Variants in XKR4 observed in about 807,000 individuals in gnomAD.
The protein encoded by XKR4 is XK related 4, also known as XK-related protein 4.
In XKR4, 12 loss-of-function variants were observed where a neutral mutation model predicts 53.9. The observed-to-expected ratio is 0.22, with a 90% CI of 0.14 to 0.36. XKR4 has a LOEUF of 0.36. XKR4 is among the 10% of genes least tolerant of loss of function. The pLI is 1.00. For synonymous variants in XKR4, 354 were observed against 362.4 expected (o/e 0.98, Z 0.26); for missense variants, 799 against 859.5 (o/e 0.93, Z 0.88).
intron 1 of XKR4, among the ~76,000 whole-genome samples, chr8:55,321,466 G>C (rs959020622): frequency 1.3e-5 from 2 of 152,098 alleles, no homozygotes; most frequent in African/African-American, 4.8e-5. Flanking sequence ...CACGGAGGGT[G>C]TTACTGAGTT....
At chr8:55,475,491 A>C (rs1013633590) in intron 2 of XKR4, among the ~76,000 whole-genome samples, 2 of 152,028 alleles carry the variant, frequency 1.3e-5, no homozygotes, top group Non-Finnish European at 2.9e-5. Context: ...ATCAGATCTC[A>C]CTGCAGCCTC....
chr8:55,420,877 T>C (rs1804918729), intron 2 of XKR4, among the ~76,000 whole-genome samples: 1 of 152,188 alleles, frequency 6.6e-6, no homozygotes, highest in Non-Finnish European at 1.5e-5. Flanking sequence ...TAAACTACAC[T>C]TTTCTATTTG....
chr8:55,158,910 A>G (rs1184317288), intron 1 of XKR4, among the ~76,000 whole-genome samples: 3 of 152,118 alleles, frequency 2.0e-5, no homozygotes, highest in African/African-American at 7.2e-5. Flanking sequence ...AAGTCAGGTA[A>G]TGTGATGTCT....
chr8:55,275,489 G>A (rs1237382235), intron 1 of XKR4, among the ~76,000 whole-genome samples: 2 of 152,250 alleles, frequency 1.3e-5, no homozygotes, highest in South Asian at 4.2e-4. Flanking sequence ...AGGATAAATA[G>A]CATTGTTGGT....
At chr8:55,341,475 T>C (rs1160495485) in intron 1 of XKR4, among the ~76,000 whole-genome samples, 1 of 152,164 alleles carries the variant, frequency 6.6e-6, no homozygotes, top group Non-Finnish European at 1.5e-5. Flanking sequence ...GAGACATGTC[T>C]CAGGGTACCT....
In XKR4 at chr8:55,180,502, G is replaced by A. The variant is rs139665395; in HGVS notation, c.806+77208G>A. The stretch of plus-strand genomic sequence containing the variant: ...AAGGAACTTGGGAGACATTTTTCTA[G>A]CGTCACCAGGTATATTCATACAAAA... On this transcript the variant is annotated intron_variant, in intron 1 of 2. Transcript: ENST00000327381. Among the ~76,000 whole-genome samples, 6 of 152,280 alleles carry A rather than the reference G, an allele frequency of 3.9e-5. No homozygotes were observed. The East Asian group carries it at 1.2e-3, about 29-fold the overall frequency.
In XKR4 at chr8:55,530,848, T is replaced by C. The variant is rs1253094471; in HGVS notation, c.*6621T>C. 6.6e-6 allele frequency: 1 copy of C among 152,138 alleles called. No individual in the cohort carries two copies. Among genetic ancestry groups the C allele is most frequent in the East Asian group, 1.9e-4 (1 of 5,198 alleles). The allele number at this position is 152,138 out of a possible 1,614,324, so 9.4% of individuals were successfully genotyped here. On this transcript the variant is annotated 3_prime_UTR_variant, in exon 3 of 3. Transcript: ENST00000327381. The stretch of plus-strand genomic sequence containing the variant: ...AACAGGTAATTTTTGTGATCAGGAT[T>C]ACACAATACACTTTTTTTTTTCCCT...
intron 2 of XKR4, chr8:55,452,853 C>T (rs1805476080): frequency 2.6e-6 from 2 of 771,354 alleles, no homozygotes; most frequent in Admixed American, 1.7e-5. Flanking sequence ...AAGCAGGCGG[C>T]TCTTGCTGCT....
chr8:55,322,796 T>A (rs1274515059), intron 1 of XKR4, among the ~76,000 whole-genome samples: 1 of 152,204 alleles, frequency 6.6e-6, no homozygotes, highest in African/African-American at 2.4e-5. Flanking sequence ...CACTGTCATT[T>A]ATCTTCTATT....
At chr8:55,388,160 G>A (rs767641341) in intron 2 of XKR4, among the ~76,000 whole-genome samples, 1 of 152,148 alleles carries the variant, frequency 6.6e-6, no homozygotes, top group African/African-American at 2.4e-5. Flanking sequence ...TTTGCAACCA[G>A]GGCAGCCTAA....
At chr8:55,455,158 G>T in intron 2 of XKR4, 1 of 556,530 alleles carries the variant, frequency 1.8e-6, no homozygotes, top group Non-Finnish European at 3.3e-6. Context: ...ACGCTGGGCG[G>T]GCTCCGCGGC....
chr8:55,331,925 A>G (rs763605428), intron 1 of XKR4, among the ~76,000 whole-genome samples: 2 of 151,996 alleles, frequency 1.3e-5, no homozygotes, highest in Non-Finnish European at 2.9e-5. Flanking sequence ...GGAGAGTTTA[A>G]TCTATTTATA....
In XKR4 at chr8:55,102,645, G is replaced by A. The variant is rs762182227; in HGVS notation, c.157G>A (p.Gly53Ser). ...GAEDEEAAGG[G>S]CCPDGGGCSR... Reference sequence around the variant, plus strand: ...CGAGGACGAGGAGGCGGCCGGGGGCGGCTGCTGCCCGGACGGCGGCGGCTG... The same window carrying A: ...CGAGGACGAGGAGGCGGCCGGGGGCAGCTGCTGCCCGGACGGCGGCGGCTG... Residue 53 changes from glycine to serine, a missense_variant, in exon 1 of 3, where the codon GGC becomes AGC. Gly to Ser is a moderately conservative substitution (Grantham distance 56, BLOSUM62 0). Coordinates refer to ENST00000327381, the MANE Select transcript of XKR4 (RefSeq NM_052898.2). This position sits in a 1 kb window ranked among gnomAD's most constrained non-coding sequence, Gnocchi z 5.1. 1.2e-5 allele frequency: 16 copies of A among 1,345,296 alleles called. No individual in the cohort carries two copies. Among genetic ancestry groups the A allele is most frequent in the Non-Finnish European group, 1.4e-5 (15 of 1,035,406 alleles). The allele number at this position is 1,345,296 out of a possible 1,614,324, so 83.3% of individuals were successfully genotyped here.
intron 2 of XKR4, among the ~76,000 whole-genome samples, chr8:55,518,626 C>T (rs560046076): frequency 2.0e-5 from 3 of 152,292 alleles, no homozygotes; most frequent in East Asian, 1.9e-4. Flanking sequence ...CAGATTGCTT[C>T]CAGGTATTTC....
At chr8:55,208,614 C>A (rs569412286) in intron 1 of XKR4, among the ~76,000 whole-genome samples, 3 of 151,862 alleles carry the variant, frequency 2.0e-5, no homozygotes, top group Non-Finnish European at 2.9e-5. Flanking sequence ...GTACAGGCGC[C>A]CACCACCACA....
intron 1 of XKR4, chr8:55,135,327 A>G (rs563387313): frequency 5.7e-5 from 11 of 193,168 alleles, no homozygotes; most frequent in Admixed American, 1.0e-4. Context: ...TAAAACACTT[A>G]TCTAAAGCCT....
At chr8:55,480,727 CA>C (rs1563362796) in intron 2 of XKR4, among the ~76,000 whole-genome samples, 1 of 145,028 alleles carries the variant, frequency 6.9e-6, no homozygotes, top group Non-Finnish European at 1.5e-5. Flanking sequence ...AATCAATGTA[CA>C]AAAATCAAAA....
chr8:55,514,131 C>T (rs1409644792), intron 2 of XKR4, among the ~76,000 whole-genome samples: 1 of 152,142 alleles, frequency 6.6e-6, no homozygotes. Context: ...TTCTCTAATC[C>T]TCAGTTTTTT....
At chr8:55,124,328 T>G (rs538203584) in intron 1 of XKR4, among the ~76,000 whole-genome samples, 1 of 152,208 alleles carries the variant, frequency 6.6e-6, no homozygotes, top group South Asian at 2.1e-4. Flanking sequence ...ACTACATTCC[T>G]TCTCCCCAGC....
Sources: gnomAD v4.1 joint callset for allele counts (sites outside exome capture counted in the v4.1 genomes callset) on GRCh38, gnomAD v4.1.1 for gene constraint, Gnocchi (gnomAD v3.1) non-coding constraint, MANE v1.5 for transcripts, NCBI Gene and HGNC (gene_info 2026-07-23, HGNC 2026-07-21) for gene names.